Variants in PPFIA2 observed in about 807,000 individuals in gnomAD.
PPFIA2 encodes PPFI scaffold protein A2, also known as liprin-alpha-2.
PPFIA2 carries 46 observed loss-of-function variants against 175.5 expected under a neutral mutation model. The ratio of observed to expected loss-of-function variants is 0.26; its 90% CI spans 0.21 to 0.34. The LOEUF is 0.34. Among genes scored for constraint, PPFIA2 ranks in the 10% least tolerant of loss-of-function variants. The pLI is 1.00. For synonymous variants in PPFIA2, 568 were observed against 511.4 expected (o/e 1.11, Z -1.49); for missense variants, 1,179 against 1,506.1 (o/e 0.78, Z 3.60).
chr12:81,319,855 T>C (rs1367110572), intron 22 of PPFIA2, among the ~76,000 whole-genome samples: 1 of 151,932 alleles, frequency 6.6e-6, no homozygotes, highest in Non-Finnish European at 1.5e-5. Flanking sequence ...TGTGAGATAA[T>C]CTAATATCAT....
At chr12:81,572,184 A>T (rs1006382694) in intron 4 of PPFIA2, among the ~76,000 whole-genome samples, 1 of 151,840 alleles carries the variant, frequency 6.6e-6, no homozygotes, top group Non-Finnish European at 1.5e-5. Context: ...AGAGCACTCC[A>T]CTTCTCCTAA....
chr12:81,263,142 A>C, intron 31 of PPFIA2, 89 bp downstream of exon 31: 2 of 1,310,308 alleles, frequency 1.5e-6, no homozygotes, highest in Non-Finnish European at 2.1e-6. Flanking sequence ...ACTCAAGAAA[A>C]TAATTCCAAA....
At chr12:81,333,604 T>A (rs917069240) in intron 21 of PPFIA2, among the ~76,000 whole-genome samples, 2 of 135,014 alleles carry the variant, frequency 1.5e-5, no homozygotes, top group African/African-American at 5.2e-5. Flanking sequence ...AATATTGACT[T>A]TAGAGTCACA....
intron 6 of PPFIA2, among the ~76,000 whole-genome samples, chr12:81,443,307 G>A (rs2050575523): frequency 6.6e-6 from 1 of 151,960 alleles, no homozygotes; most frequent in Non-Finnish European, 1.5e-5. Flanking sequence ...AGATCTGTCT[G>A]ACTCCAGAGC....
intron 28 of PPFIA2, among the ~76,000 whole-genome samples, chr12:81,269,586 G>A (rs917837438): frequency 6.6e-6 from 1 of 152,100 alleles, no homozygotes. Context: ...TACAGTGATA[G>A]CACAGACCCA....
At chr12:81,395,891 C>T (rs900960414) in intron 8 of PPFIA2, among the ~76,000 whole-genome samples, 3 of 152,138 alleles carry the variant, frequency 2.0e-5, no homozygotes, top group South Asian at 2.1e-4. Context: ...TCTCCTATGT[C>T]GAGAATATTT....
chr12:81,586,527 A>G (rs7486660), intron 4 of PPFIA2, among the ~76,000 whole-genome samples: 137,420 of 151,710 alleles, frequency 0.91, 62,500 homozygotes, highest in East Asian at 1. Flanking sequence ...TAATTTTAAT[A>G]TACATATTTA....
chr12:81,339,853 G>A (rs1418167606), intron 20 of PPFIA2, among the ~76,000 whole-genome samples: 3 of 151,984 alleles, frequency 2.0e-5, no homozygotes, highest in African/African-American at 4.8e-5. Flanking sequence ...TCATCTGGGT[G>A]CAATTTGGAA....
chr12:81,753,849 G>T, intron 3 of PPFIA2, 124 bp downstream of exon 3: 1 of 1,223,266 alleles, frequency 8.2e-7, no homozygotes, highest in Admixed American at 2.5e-5. Context: ...TTCCTAAGTT[G>T]TTCTCACCAA....
chr12:81,684,913 C>T (rs1390401217), intron 3 of PPFIA2, among the ~76,000 whole-genome samples: 2 of 152,022 alleles, frequency 1.3e-5, no homozygotes, highest in African/African-American at 4.8e-5. Context: ...ATAAACAATA[C>T]ATTAAATTCA....
At chr12:81,291,859 C>T (rs1213207064) in intron 24 of PPFIA2, among the ~76,000 whole-genome samples, 1 of 151,988 alleles carries the variant, frequency 6.6e-6, no homozygotes, top group African/African-American at 2.4e-5. Flanking sequence ...TACAAAAGCT[C>T]ATAACTGACC....
intron 7 of PPFIA2, among the ~76,000 whole-genome samples, chr12:81,415,562 C>G (rs2045063192): frequency 6.7e-6 from 1 of 149,754 alleles, no homozygotes; most frequent in Non-Finnish European, 1.5e-5. Flanking sequence ...AATTCAAACT[C>G]AGTTAGTTTA....
At chr12:81,515,744 C>T (rs1268603103) in intron 4 of PPFIA2, among the ~76,000 whole-genome samples, 2 of 152,032 alleles carry the variant, frequency 1.3e-5, no homozygotes, top group Admixed American at 6.6e-5. Context: ...TTTAACAATT[C>T]TATTTTTCAA....
At chr12:81,265,950 G>A (rs369065321) in intron 30 of PPFIA2, among the ~76,000 whole-genome samples, 7 of 152,198 alleles carry the variant, frequency 4.6e-5, no homozygotes, top group South Asian at 4.1e-4. Flanking sequence ...CTTATAAGAC[G>A]AGGCTTTTAA....
At chr12:81,501,948 C>A (rs2060639372) in intron 4 of PPFIA2, among the ~76,000 whole-genome samples, 1 of 152,070 alleles carries the variant, frequency 6.6e-6, no homozygotes, top group Non-Finnish European at 1.5e-5. Flanking sequence ...TATATCCGAG[C>A]CCTGGCGGTG....
intron 4 of PPFIA2, among the ~76,000 whole-genome samples, chr12:81,618,947 C>T (rs1407387592): frequency 6.6e-6 from 1 of 151,900 alleles, no homozygotes; most frequent in African/African-American, 2.4e-5. Context: ...TTATATTAAG[C>T]ATTGGAATAC....
At chr12:81,524,241 A>C (rs964533491) in intron 4 of PPFIA2, among the ~76,000 whole-genome samples, 2 of 152,152 alleles carry the variant, frequency 1.3e-5, no homozygotes, top group South Asian at 2.1e-4. Flanking sequence ...GAGCAACCAG[A>C]GTTCTATTCC....
intron 4 of PPFIA2, among the ~76,000 whole-genome samples, chr12:81,534,813 G>A (rs76840053): frequency 6.6e-6 from 1 of 151,586 alleles, no homozygotes; most frequent in Admixed American, 6.6e-5. Flanking sequence ...AAGAAGATGA[G>A]AAAAAAGAGA....
intron 4 of PPFIA2, among the ~76,000 whole-genome samples, chr12:81,558,862 C>A (rs2153385514): frequency 6.6e-6 from 1 of 152,250 alleles, no homozygotes; most frequent in South Asian, 2.1e-4. Flanking sequence ...CTATATCACA[C>A]AATGGCATTA....
Sources: gnomAD v4.1 joint callset for allele counts (sites outside exome capture counted in the v4.1 genomes callset) on GRCh38, gnomAD v4.1.1 for gene constraint, MANE v1.5 for transcripts, NCBI Gene and HGNC (gene_info 2026-07-23, HGNC 2026-07-21) for gene names.